RXFP2: variants seen among roughly 807,000 people sequenced by gnomAD.
The protein encoded by RXFP2 is relaxin family peptide receptor 2.
Under a neutral mutation model 88.6 loss-of-function variants are expected in RXFP2, and 68 were observed. The ratio of observed to expected loss-of-function variants is 0.77; its 90% confidence interval spans 0.63 to 0.94. RXFP2 has a LOEUF of 0.94. Among genes scored for constraint, RXFP2 ranks in the 40% least tolerant of loss-of-function variants. The pLI, the probability that RXFP2 is intolerant of heterozygous loss-of-function variation, is 0.00. For missense variants in RXFP2, 791 were observed against 893.9 expected (o/e 0.88, Z 1.47); for synonymous variants, 329 against 306.8 (o/e 1.07, Z -0.76).
intron 5 of RXFP2, among the ~76,000 whole-genome samples, chr13:31,774,280 C>A (rs1218560758): frequency 2.0e-5 from 3 of 152,192 alleles, no homozygotes; most frequent in Non-Finnish European, 4.4e-5. Context: ...CAGTGCGAGG[C>A]TGGCTAGTCT....
Position 31,782,885 on chromosome 13 carries a change from C to T in RXFP2, c.929+138C>T, listed in dbSNP as rs1873352831. On this transcript the variant is annotated intron_variant, in intron 11 of 17. Coordinates refer to ENST00000298386, the MANE Select transcript of RXFP2 (RefSeq NM_130806.5). The stretch of plus-strand genomic sequence containing the variant: ...GGATATTAAAAATCAATTAAGAAAA[C>T]CAACATTATCCTGAAGTCCAAAGCA... 5 of 653,648 alleles carry T rather than the reference C, an allele frequency of 7.6e-6. No individual in the cohort carries two copies. In the East Asian group the frequency reaches 1.4e-4, roughly 19 times the overall value. 40.5% of individuals were successfully genotyped at this position (653,648 alleles called of 1,614,324 possible).
At chr13:31,775,440 T>A in intron 7 of RXFP2, 51 bp downstream of exon 7, 1 of 1,255,498 alleles carries the variant, frequency 8.0e-7, no homozygotes, top group Non-Finnish European at 1.2e-6. Flanking sequence ...GTCTTGATGA[T>A]ATATAACAGT....
At chr13:31,766,914 C>T (rs1402281304) in intron 5 of RXFP2, among the ~76,000 whole-genome samples, 2 of 152,198 alleles carry the variant, frequency 1.3e-5, no homozygotes, top group South Asian at 2.1e-4. Context: ...TGCTCTGTGG[C>T]ACTGGAGGGG....
intron 13 of RXFP2, among the ~76,000 whole-genome samples, chr13:31,787,430 T>C (rs916875830): frequency 5.3e-5 from 8 of 152,216 alleles, no homozygotes; most frequent in Non-Finnish European, 1.2e-4. Context: ...GCCATAATAT[T>C]AAACATATAT....
chr13:31,789,023 C>T (rs750946759), intron 13 of RXFP2, 99 bp from the exon 14 acceptor site: 3 of 797,920 alleles, frequency 3.8e-6, no homozygotes, highest in Non-Finnish European at 6.5e-6. Context: ...GCATTGGTAA[C>T]ATAAGATCTT....
At chr13:31,772,325 G>A (rs189834727) in intron 5 of RXFP2, among the ~76,000 whole-genome samples, 21 of 152,132 alleles carry the variant, frequency 1.4e-4, no homozygotes, top group Non-Finnish European at 2.5e-4. Context: ...ATACAAAATG[G>A]CACATTCAAA....
intron 10 of RXFP2, among the ~76,000 whole-genome samples, chr13:31,782,062 T>A (rs893247303): frequency 6.6e-6 from 1 of 152,114 alleles, no homozygotes; most frequent in African/African-American, 2.4e-5. Context: ...AGGGGTTAGC[T>A]GTACAATGAT....
chr13:31,797,627 A>G (rs1214329220), intron 17 of RXFP2, among the ~76,000 whole-genome samples: 3 of 152,212 alleles, frequency 2.0e-5, no homozygotes, highest in Non-Finnish European at 4.4e-5. Flanking sequence ...GGAGCTACAG[A>G]GAAACTAAGT....
At chr13:31,748,017 C>T (rs893406042) in intron 1 of RXFP2, among the ~76,000 whole-genome samples, 3 of 152,210 alleles carry the variant, frequency 2.0e-5, no homozygotes, top group Non-Finnish European at 2.9e-5. Context: ...TGAAGGAGAA[C>T]TGTCCACTGG....
At chr13:31,751,662 C>T (rs1871680523) in intron 1 of RXFP2, among the ~76,000 whole-genome samples, 1 of 152,214 alleles carries the variant, frequency 6.6e-6, no homozygotes, top group Non-Finnish European at 1.5e-5. Context: ...TTCCATGGGA[C>T]ATAGCAGTCA....
At chr13:31,764,964 T>C (rs1349791170) in intron 3 of RXFP2, 73 bp from the exon 4 acceptor site, 1 of 811,050 alleles carries the variant, frequency 1.2e-6, no homozygotes, top group African/African-American at 1.7e-5. Context: ...GAAAACAATA[T>C]CAGTTATTAA....
At chr13:31,758,748 C>T (rs573210199) in intron 2 of RXFP2, among the ~76,000 whole-genome samples, 1 of 152,178 alleles carries the variant, frequency 6.6e-6, no homozygotes, top group South Asian at 2.1e-4. Flanking sequence ...CAAGAATATT[C>T]GTAAAGTGGC....
chr13:31,754,536 GA>G (rs370053719), intron 1 of RXFP2, among the ~76,000 whole-genome samples: 4,585 of 145,768 alleles, frequency 0.031, 91 homozygotes, highest in Non-Finnish European at 0.052. Context: ...ATCTCAAGAA[GA>G]AAAAAAAAAG....
At chr13:31,746,950 A>G (rs968530798) in intron 1 of RXFP2, among the ~76,000 whole-genome samples, 4 of 152,146 alleles carry the variant, frequency 2.6e-5, no homozygotes. Flanking sequence ...AAACTTTCTT[A>G]TACATAGGAA....
intron 9 of RXFP2, among the ~76,000 whole-genome samples, chr13:31,780,026 G>A (rs913711133): frequency 6.6e-6 from 1 of 152,130 alleles, no homozygotes; most frequent in African/African-American, 2.4e-5. Flanking sequence ...AAACACACAG[G>A]AAAGAGTAAA....
intron 3 of RXFP2, among the ~76,000 whole-genome samples, chr13:31,763,795 T>A (rs1485805525): frequency 6.6e-6 from 1 of 152,132 alleles, no homozygotes; most frequent in Non-Finnish European, 1.5e-5. Context: ...CAACCACAGG[T>A]TTTCAATTTA....
intron 17 of RXFP2, among the ~76,000 whole-genome samples, chr13:31,799,930 C>A (rs985766641): frequency 6.6e-6 from 1 of 152,140 alleles, no homozygotes; most frequent in East Asian, 1.9e-4. Context: ...TCTACGACAC[C>A]TCAGATCATG....
intron 13 of RXFP2, among the ~76,000 whole-genome samples, chr13:31,787,088 CA>C (rs1393498474): frequency 1.3e-5 from 2 of 152,196 alleles, no homozygotes; most frequent in Non-Finnish European, 2.9e-5. Context: ...TATGCACATT[CA>C]GAAAATTAAT....
intron 9 of RXFP2, 125 bp downstream of exon 9, chr13:31,778,708 T>C: frequency 1.3e-6 from 1 of 797,500 alleles, no homozygotes; most frequent in Non-Finnish European, 2.2e-6. Flanking sequence ...TCTGATCATA[T>C]TACCTTCCCA....
Sources: gnomAD v4.1 joint callset for allele counts (sites outside exome capture counted in the v4.1 genomes callset) on GRCh38, gnomAD v4.1.1 for gene constraint, MANE v1.5 for transcripts, NCBI Gene and HGNC (gene_info 2026-07-23, HGNC 2026-07-21) for gene names.